The following CD302 variants were observed in gnomAD, a reference collection of about 807,000 sequenced individuals.
CD302 encodes CD302 antigen.
Under a neutral mutation model 26.5 loss-of-function variants are expected in CD302, and 23 were observed. That is an observed-to-expected ratio of 0.87 (90% CI 0.62 to 1.23). CD302 has a LOEUF of 1.23. Among genes scored for constraint, CD302 ranks in the 50% most tolerant of loss-of-function variants. CD302 has a pLI of 0.00. For synonymous variants in CD302, 90 were observed against 99.4 expected (o/e 0.91, Z 0.56); for missense variants, 290 against 275.5 (o/e 1.05, Z -0.37).
chr2:159,781,473 T>C (rs1708506146), intron 2 of CD302: 2 of 152,644 alleles, frequency 1.3e-5, no homozygotes, highest in Non-Finnish European at 2.9e-5. Flanking sequence ...GGCAGGAGAA[T>C]TGCTTGAACC....
intron 1 of CD302, among the ~76,000 whole-genome samples, chr2:159,786,316 A>T (rs1234179960): frequency 1.4e-5 from 2 of 145,954 alleles, no homozygotes; most frequent in Non-Finnish European, 3.0e-5. Context: ...TCCTTCTTGA[A>T]GCATGTTGTC....
At chr2:159,784,957 C>G (rs551982699) in intron 1 of CD302, among the ~76,000 whole-genome samples, 153 of 148,640 alleles carry the variant, frequency 1.0e-3, no homozygotes, top group Middle Eastern at 7.1e-3. Flanking sequence ...AGTGTGCTCC[C>G]TGTATCCGTA....
intron 1 of CD302, among the ~76,000 whole-genome samples, chr2:159,791,945 G>A (rs1360955691): frequency 6.6e-6 from 1 of 152,246 alleles, no homozygotes; most frequent in African/African-American, 2.4e-5. Flanking sequence ...TAATATGTTA[G>A]ATGGTGTATT....
At chr2:159,798,080 G>C in intron 1 of CD302, 52 bp downstream of exon 1, 3 of 1,469,636 alleles carry the variant, frequency 2.0e-6, no homozygotes, top group South Asian at 2.5e-5. Flanking sequence ...CGTTGGGAAG[G>C]GGGCGAAGGC....
At position 159,779,753 on chromosome 2, in the gene CD302, G is replaced by A. The variant is rs567126719; in HGVS notation, c.469+252C>T. On this transcript the variant is annotated intron_variant, in intron 4 of 5. Coordinates refer to ENST00000259053, the MANE Select transcript of CD302 (RefSeq NM_014880.5). ...CATGTATTTCGGACCGCAGGTGCAC[G>A]CCACCATGCCCAGCTGATTTTTGTA... Among the ~76,000 whole-genome samples, 13 of 151,930 alleles carry A rather than the reference G, an allele frequency of 8.6e-5. No homozygotes were observed. In the East Asian group the frequency reaches 1.9e-3, roughly 23 times the overall value.
chr2:159,773,462 T>A (rs963275072), intron 5 of CD302, among the ~76,000 whole-genome samples: 1 of 152,212 alleles, frequency 6.6e-6, no homozygotes, highest in Non-Finnish European at 1.5e-5. Context: ...AGGAATTACA[T>A]GATAGTAATA....
chr2:159,798,109 C>T (rs1457019553), intron 1 of CD302, 23 bp downstream of exon 1: 2 of 1,494,458 alleles, frequency 1.3e-6, no homozygotes, highest in Non-Finnish European at 1.8e-6. Flanking sequence ...ACGGTCCCGG[C>T]GAGGGACTAC....
intron 3 of CD302, among the ~76,000 whole-genome samples, chr2:159,780,571 T>A (rs187609856): frequency 6.6e-6 from 1 of 152,346 alleles, no homozygotes; most frequent in African/African-American, 2.4e-5. Flanking sequence ...AGAACCGTGA[T>A]AATTTAGTCT....
Position 159,771,941 on chromosome 2 carries a change from T to C in CD302, c.609A>G (p.Thr203=). ...GTGATTGGGGTGCGGTTGAAAAAAC[T>C]GTGGTGAAACGAGAATCAGAATGTT... The part of the protein sequence containing the change: ...YKKHSDSRFT[T]VFSTAPQSPY... Residue 203 remains threonine (T), a synonymous_variant, in exon 6 of 6, where the codon ACA becomes ACG. Coordinates refer to ENST00000259053, the MANE Select transcript of CD302 (RefSeq NM_014880.5). 1.9e-6 allele frequency: 3 copies of C among 1,613,114 alleles called. No homozygotes were observed. Among genetic ancestry groups the C allele is most frequent in the Non-Finnish European group, 2.5e-6 (3 of 1,179,800 alleles).
rs1337128146 is a variant in CD302 at position 159,783,339 on chromosome 2, G to T, written c.178+20C>A. 6.5e-7 allele frequency: 1 copy of T among 1,543,956 alleles called. No homozygotes were observed. The highest frequency in any genetic ancestry group is 8.7e-7 in the Non-Finnish European group (1 of 1,149,846). On this transcript the variant is annotated intron_variant, in intron 2 of 5. Coordinates refer to ENST00000259053, the MANE Select transcript of CD302 (RefSeq NM_014880.5). ...TCACTAATTTGTGAAAAAACAAACA[G>T]AAAAGAATAAGCCTTTTACCATGGT...
rs2125818228 is a variant in CD302, at chr2:159,795,411, TA to T, written c.67+2720del. On this transcript the variant is annotated intron_variant, in intron 1 of 5. Transcript: ENST00000259053. ...TTCATCCTTTTATTATAACTTAGAA[TA>T]AAGTGCAGAGACACAAATCAAAACA... 1.3e-5 allele frequency among the ~76,000 whole-genome samples: 2 copies of T among 152,254 alleles called. 1 individual carries two copies. The highest frequency in any genetic ancestry group is 4.1e-4 in the South Asian group (2 of 4,822).
At chr2:159,781,826 A>G (rs192394677) in intron 2 of CD302, among the ~76,000 whole-genome samples, 1 of 152,324 alleles carries the variant, frequency 6.6e-6, no homozygotes, top group Admixed American at 6.5e-5. Context: ...TGTATTAAGT[A>G]CTATGTGGCG....
intron 1 of CD302, among the ~76,000 whole-genome samples, chr2:159,792,717 T>C (rs1357382874): frequency 2.6e-5 from 4 of 152,126 alleles, no homozygotes; most frequent in East Asian, 1.9e-4. Context: ...TCGAGGAGCA[T>C]CTGCATGTGA....
intron 1 of CD302, 110 bp from the exon 2 acceptor site, chr2:159,783,579 T>C: frequency 1.4e-6 from 1 of 700,728 alleles, no homozygotes. Context: ...ACAAAGGCAA[T>C]TTCCTTTGTT....
intron 4 of CD302, among the ~76,000 whole-genome samples, chr2:159,778,404 CAGAACCTGAAA>C (rs1708403695): frequency 6.6e-6 from 1 of 152,208 alleles, no homozygotes; most frequent in African/African-American, 2.4e-5. Flanking sequence ...CCCTGAGGTG[CAGAACCTGAAA>C]AGAACCAATT....
chr2:159,781,182 T>C (rs1168379958), intron 2 of CD302, among the ~76,000 whole-genome samples, 184 bp from the exon 3 acceptor site: 1 of 152,256 alleles, frequency 6.6e-6, no homozygotes, highest in African/African-American at 2.4e-5. Flanking sequence ...TCTCAGCCTC[T>C]AATATGATTT....
chr2:159,775,452 A>C (rs917029405), intron 5 of CD302, among the ~76,000 whole-genome samples: 2 of 152,180 alleles, frequency 1.3e-5, no homozygotes, highest in Non-Finnish European at 2.9e-5. Flanking sequence ...TTCCAAAGTA[A>C]TACATTTACG....
chr2:159,776,359 T>A (rs1292060307), intron 5 of CD302, among the ~76,000 whole-genome samples: 2 of 152,164 alleles, frequency 1.3e-5, no homozygotes, highest in African/African-American at 2.4e-5. Context: ...TACACAAATA[T>A]CAAACAGATG....
At position 159,771,743 on chromosome 2, in the gene CD302, A is replaced by G; in HGVS notation, c.*108T>C. The G allele has an allele frequency of 8.1e-7, 1 of 1,233,972 alleles. No individual in the cohort carries two copies. The highest frequency in any genetic ancestry group is 1.1e-6 in the Non-Finnish European group (1 of 885,874). The allele number at this position is 1,233,972 out of a possible 1,614,324, so 76.4% of individuals were successfully genotyped here. A position where few individuals can be genotyped will look rare whatever the true frequency, so the allele number is the denominator to read the frequency against. On this transcript the variant is annotated 3_prime_UTR_variant, in exon 6 of 6. Transcript: ENST00000259053. ...CATAAAAATGTTACTGGAATAAGGA[A>G]TACCATTAAAGCTCTAATATCCAAT...
Sources: gnomAD v4.1 joint callset for allele counts (sites outside exome capture counted in the v4.1 genomes callset) on GRCh38, gnomAD v4.1.1 for gene constraint, MANE v1.5 for transcripts, NCBI Gene and HGNC (gene_info 2026-07-23, HGNC 2026-07-21) for gene names.